SNX29: variants seen among roughly 807,000 people sequenced by gnomAD.
The protein encoded by SNX29 is sorting nexin-29.
SNX29 carries 78 observed loss-of-function variants against 102.1 expected under a neutral mutation model. That is an observed-to-expected ratio of 0.76 (90% confidence interval 0.64 to 0.92). The LOEUF (loss-of-function observed/expected upper bound fraction) is 0.92, where lower values mean the gene tolerates loss of function less well. Among genes scored for constraint, SNX29 ranks in the 40% least tolerant of loss-of-function variants. The pLI, the probability that SNX29 is intolerant of heterozygous loss-of-function variation, is 0.00. For missense variants in SNX29, 1,280 were observed against 1,061.7 expected (o/e 1.21, Z -2.86); for synonymous variants, 580 against 414.5 (o/e 1.40, Z -4.85).
chr16:12,357,742 C>G (rs562927132), intron 16 of SNX29, among the ~76,000 whole-genome samples: 3 of 152,158 alleles, frequency 2.0e-5, no homozygotes, highest in Non-Finnish European at 4.4e-5. Flanking sequence ...CTTTGTTCCT[C>G]TATGAATCCA....
chr16:12,080,772 A>G (rs550403353), intron 11 of SNX29, among the ~76,000 whole-genome samples: 21 of 149,828 alleles, frequency 1.4e-4, no homozygotes, highest in Non-Finnish European at 2.5e-4. Context: ...GCTTACTGCA[A>G]CCTCCACCTC....
chr16:12,170,218 C>A (rs1315788621), intron 13 of SNX29, among the ~76,000 whole-genome samples: 1 of 152,028 alleles, frequency 6.6e-6, no homozygotes, highest in African/African-American at 2.4e-5. Flanking sequence ...GGGGGCAGAT[C>A]CTGTGGCGGA....
At chr16:12,207,047 G>A (rs116980214) in intron 14 of SNX29, among the ~76,000 whole-genome samples, 15 of 152,126 alleles carry the variant, frequency 9.9e-5, no homozygotes, top group Non-Finnish European at 1.5e-4. Context: ...AGAATTTGTC[G>A]CTTCATGTAG....
In SNX29 at chr16:12,239,238, C is replaced by A. The variant is rs144531778; in HGVS notation, c.1679-38695C>A. 6.1e-3 allele frequency among the ~76,000 whole-genome samples: 935 copies of A among 152,228 alleles called. 20 individuals are homozygous for A. Among genetic ancestry groups the A allele is most frequent in the Admixed American group, 0.039 (604 of 15,292 alleles). On this transcript the variant is annotated intron_variant, in intron 14 of 20. Coordinates refer to ENST00000566228, the MANE Select transcript of SNX29 (RefSeq NM_032167.5). ...TGCTGGAGGTAGCTGATGTTCATTG[C>A]GTTCATTGTTTGTTGCCAGGAAGTG...
Position 12,547,093 on chromosome 16 carries a change from C to T in SNX29, c.2319-21413C>T, listed in dbSNP as rs111823548. Among the ~76,000 whole-genome samples the T allele has an allele frequency of 7.3e-3, 1,117 of 152,238 alleles. 21 individuals carry two copies. The highest frequency in any genetic ancestry group is 0.025 in the African/African-American group (1,035 of 41,530). ...AGGCAGACATGCCTATGTGAGGTGG[C>T]GATTTCCAGTGAAAAGACAGGAAAT... On this transcript the variant is annotated intron_variant, in intron 20 of 20. Coordinates refer to ENST00000566228, the MANE Select transcript of SNX29 (RefSeq NM_032167.5).
intron 14 of SNX29, among the ~76,000 whole-genome samples, chr16:12,255,968 CG>C (rs2142429642): frequency 6.6e-6 from 1 of 152,310 alleles, no homozygotes; most frequent in South Asian, 2.1e-4. Flanking sequence ...TTTTCCATAA[CG>C]GCTGTACTAA....
At position 12,573,936 on chromosome 16, in the gene SNX29, C is replaced by G. The variant is rs1306076134; in HGVS notation, c.*5307C>G. On this transcript the variant is annotated 3_prime_UTR_variant, in exon 21 of 21. Coordinates refer to ENST00000566228, the MANE Select transcript of SNX29 (RefSeq NM_032167.5). The stretch of plus-strand genomic sequence containing the variant: ...ACACCGACTTCTTAGAGAAGCGAGT[C>G]TTTTTTGAATGGAGGAGCGATGGTA... 5 of 200,720 alleles carry G rather than the reference C, an allele frequency of 2.5e-5. No homozygotes were observed. Among genetic ancestry groups the G allele is most frequent in the African/African-American group, 9.2e-5 (4 of 43,542 alleles). The allele number at this position is 200,720 out of a possible 1,614,324, so 12.4% of individuals were successfully genotyped here.
chr16:12,207,477 G>C (rs895548797), intron 14 of SNX29, among the ~76,000 whole-genome samples: 1 of 152,170 alleles, frequency 6.6e-6, no homozygotes, highest in Non-Finnish European at 1.5e-5. Context: ...CCCTGCTCCC[G>C]CAAGAATCCG....
chr16:12,282,900 G>A (rs1156342246), intron 15 of SNX29, among the ~76,000 whole-genome samples: 6 of 152,128 alleles, frequency 3.9e-5, no homozygotes, highest in African/African-American at 1.4e-4. Context: ...TAGGTGATCC[G>A]CCTGCCTTGG....
intron 20 of SNX29, among the ~76,000 whole-genome samples, chr16:12,544,569 A>G (rs1351323159): frequency 2.6e-5 from 4 of 152,262 alleles, no homozygotes; most frequent in African/African-American, 4.8e-5. Flanking sequence ...TGATGGATTC[A>G]TTGTTCTGCA....
chr16:12,424,602 G>A (rs1458717173), intron 18 of SNX29, among the ~76,000 whole-genome samples: 2 of 152,170 alleles, frequency 1.3e-5, no homozygotes, highest in African/African-American at 4.8e-5. Flanking sequence ...GAGCCTAGGG[G>A]CTTAATTAAA....
chr16:12,118,885 C>T (rs892053053), intron 11 of SNX29, among the ~76,000 whole-genome samples: 1 of 152,036 alleles, frequency 6.6e-6, no homozygotes, highest in African/African-American at 2.4e-5. Context: ...TCCATTAGAT[C>T]CCATCTCAGG....
At chr16:12,062,045 TG>T (rs1195487880) in intron 9 of SNX29, among the ~76,000 whole-genome samples, 1 of 152,162 alleles carries the variant, frequency 6.6e-6, no homozygotes, top group African/African-American at 2.4e-5. Context: ...TGCCACCCTG[TG>T]CAGAAAAGTG....
intron 18 of SNX29, among the ~76,000 whole-genome samples, chr16:12,413,347 A>G (rs1021409848): frequency 7.2e-5 from 11 of 152,056 alleles, no homozygotes; most frequent in African/African-American, 2.4e-4. Flanking sequence ...CCTTCCTGGA[A>G]ATGAAAGTGC....
At chr16:12,139,877 A>G (rs2054805155) in intron 13 of SNX29, among the ~76,000 whole-genome samples, 1 of 143,574 alleles carries the variant, frequency 7.0e-6, no homozygotes, top group Non-Finnish European at 1.5e-5. Flanking sequence ...GCTACTCAGG[A>G]GGCTGAGGTG....
chr16:12,489,997 G>T (rs568601882), intron 19 of SNX29, among the ~76,000 whole-genome samples: 1 of 152,206 alleles, frequency 6.6e-6, no homozygotes, highest in Non-Finnish European at 1.5e-5. Context: ...GTAGAGATGG[G>T]GTTTCTCCAT....
chr16:12,127,453 G>C (rs1771972949), intron 12 of SNX29, among the ~76,000 whole-genome samples: 1 of 143,982 alleles, frequency 6.9e-6, no homozygotes, highest in South Asian at 2.2e-4. Context: ...GATAGTTCTG[G>C]CTCTGTCACC....
At chr16:12,538,020 G>T (rs1474633839) in intron 20 of SNX29, among the ~76,000 whole-genome samples, 2 of 151,250 alleles carry the variant, frequency 1.3e-5, no homozygotes, top group African/African-American at 4.9e-5. Context: ...GCCATTTATA[G>T]ACCAAAATCG....
At chr16:12,520,676 T>C (rs1451362276) in intron 19 of SNX29, among the ~76,000 whole-genome samples, 3 of 152,246 alleles carry the variant, frequency 2.0e-5, no homozygotes, top group Admixed American at 2.0e-4. Context: ...AGGCCATTAT[T>C]CTAAGTGAAG....
Sources: gnomAD v4.1 joint callset for allele counts (sites outside exome capture counted in the v4.1 genomes callset) on GRCh38, gnomAD v4.1.1 for gene constraint, MANE v1.5 for transcripts, NCBI Gene and HGNC (gene_info 2026-07-23, HGNC 2026-07-21) for gene names.